CTNNA3: variants seen among roughly 807,000 people sequenced by gnomAD.
CTNNA3 encodes the protein catenin alpha-3.
Under a neutral mutation model 95.7 loss-of-function variants are expected in CTNNA3, and 76 were observed. The ratio of observed to expected loss-of-function variants is 0.79; its 90% CI spans 0.66 to 0.96. The LOEUF (loss-of-function observed/expected upper bound fraction) is 0.96. CTNNA3 is among the 40% of genes least tolerant of loss of function. The pLI is 0.00. For missense variants in CTNNA3, 1,191 were observed against 1,089.8 expected, an observed-to-expected ratio of 1.09 and a Z score of -1.31; for synonymous variants, 431 against 374.4, an observed-to-expected ratio of 1.15 and a Z score of -1.74.
intron 7 of CTNNA3, among the ~76,000 whole-genome samples, chr10:66,845,896 C>T (rs1312696621): frequency 1.3e-5 from 2 of 151,636 alleles, no homozygotes; most frequent in Non-Finnish European, 2.9e-5. Context: ...TTTGGGAGGC[C>T]GAAGCTGGCA....
At chr10:65,990,248 A>G (rs1268341122) in intron 15 of CTNNA3, among the ~76,000 whole-genome samples, 1 of 152,016 alleles carries the variant, frequency 6.6e-6, no homozygotes, top group Non-Finnish European at 1.5e-5. Context: ...AATACTTAGG[A>G]GTGAGATTGC....
chr10:66,154,645 T>C (rs955975046), intron 13 of CTNNA3, among the ~76,000 whole-genome samples: 7 of 148,996 alleles, frequency 4.7e-5, no homozygotes, highest in Non-Finnish European at 8.9e-5. Context: ...AGTGATAGTA[T>C]ATTTCGTTTT....
At chr10:67,444,773 A>G (rs1035743899) in intron 5 of CTNNA3, among the ~76,000 whole-genome samples, 3 of 152,148 alleles carry the variant, frequency 2.0e-5, no homozygotes, top group Admixed American at 6.5e-5. Context: ...GAGCAACTAT[A>G]TGCCAACAAA....
intron 13 of CTNNA3, among the ~76,000 whole-genome samples, chr10:66,181,081 T>C (rs953227584): frequency 6.6e-6 from 1 of 151,376 alleles, no homozygotes; most frequent in African/African-American, 2.4e-5. Context: ...TAGAGGTAAG[T>C]GTGCTGACTC....
At chr10:67,643,459 C>G (rs1256078195) in intron 2 of CTNNA3, among the ~76,000 whole-genome samples, 1 of 151,962 alleles carries the variant, frequency 6.6e-6, no homozygotes, top group Non-Finnish European at 1.5e-5. Context: ...CACATGTACT[C>G]CTGAACTTAA....
intron 7 of CTNNA3, among the ~76,000 whole-genome samples, chr10:67,070,607 C>T (rs2147890): frequency 0.35 from 52,651 of 151,678 alleles, 9,655 homozygotes; most frequent in Middle Eastern, 0.56. Context: ...ATTAGCTGGG[C>T]ATGGTGGCGT....
At chr10:67,467,901 G>C (rs560551544) in intron 5 of CTNNA3, among the ~76,000 whole-genome samples, 29 of 151,688 alleles carry the variant, frequency 1.9e-4, no homozygotes, top group Non-Finnish European at 3.4e-4. Context: ...TGTAGAGACT[G>C]AGTCTTGCCA....
chr10:67,755,318 T>C (rs180753007), intron 1 of CTNNA3, among the ~76,000 whole-genome samples: 1 of 152,062 alleles, frequency 6.6e-6, no homozygotes, highest in Non-Finnish European at 1.5e-5. Context: ...CCAGTTTAAA[T>C]TGTTCTTATA....
intron 3 of CTNNA3, among the ~76,000 whole-genome samples, chr10:67,599,929 A>G (rs1201856275): frequency 1.3e-5 from 2 of 152,090 alleles, no homozygotes; most frequent in African/African-American, 4.8e-5. Context: ...TAATAAAAAT[A>G]ATTTGTATTT....
rs758643115 is a variant in CTNNA3, at chr10:66,076,383, A to AT, written c.1978-6895dup. On this transcript the variant is annotated intron_variant, in intron 14 of 17. Transcript: ENST00000433211. ...AGATTTATGCATTGGTATCCTAAGC[A>AT]TACTAAATTGTGATCTCAAATATAT... Among the ~76,000 whole-genome samples the AT allele has an allele frequency of 4.9e-4, 75 of 151,856 alleles. 1 individual carries two copies. Among genetic ancestry groups the AT allele is most frequent in the Admixed American group, 2.3e-3 (35 of 15,226 alleles).
At chr10:66,186,543 A>T (rs921744096) in intron 13 of CTNNA3, among the ~76,000 whole-genome samples, 1 of 152,196 alleles carries the variant, frequency 6.6e-6, no homozygotes, top group African/African-American at 2.4e-5. Flanking sequence ...CATCTGCATT[A>T]TCATAAGATA....
chr10:67,620,911 G>C (rs1052280782), intron 2 of CTNNA3, among the ~76,000 whole-genome samples: 1 of 100,606 alleles, frequency 9.9e-6, no homozygotes, highest in Non-Finnish European at 1.8e-5. Context: ...ATATGTGTGT[G>C]TGTGTGTGTG....
chr10:66,204,765 T>C (rs1202824547), intron 13 of CTNNA3, among the ~76,000 whole-genome samples: 2 of 152,298 alleles, frequency 1.3e-5, no homozygotes, highest in South Asian at 2.1e-4. Flanking sequence ...CTAGTCTGAG[T>C]ACAGGAACTA....
rs565747976 is a variant in CTNNA3, at chr10:66,045,027, A to G, written c.2159+24281T>C. ...TTCCAAAGCCAACACTCAATGAGAAACACTAGAAAAACAAACAGTAGCACT... is the reference window on the plus strand; with the variant it reads ...TTCCAAAGCCAACACTCAATGAGAAGCACTAGAAAAACAAACAGTAGCACT... On this transcript the variant is annotated intron_variant, in intron 15 of 17. Transcript: ENST00000433211. Among the ~76,000 whole-genome samples, 41 of 152,288 alleles carry G rather than the reference A, an allele frequency of 2.7e-4. 1 individual carries two copies. The South Asian group carries it at 8.3e-3, about 31-fold the overall frequency.
intron 9 of CTNNA3, among the ~76,000 whole-genome samples, chr10:66,748,808 C>T (rs1038295760): frequency 6.6e-6 from 1 of 152,138 alleles, no homozygotes; most frequent in Admixed American, 6.5e-5. Context: ...TCCTGCACCA[C>T]AGCGGTGCAT....
chr10:66,625,773 G>A (rs956972346), intron 9 of CTNNA3, among the ~76,000 whole-genome samples: 2 of 152,116 alleles, frequency 1.3e-5, no homozygotes, highest in Non-Finnish European at 2.9e-5. Flanking sequence ...TCACTCAGCA[G>A]AGAACATAGT....
chr10:67,627,209 C>T (rs1838988065), intron 2 of CTNNA3, among the ~76,000 whole-genome samples: 1 of 152,172 alleles, frequency 6.6e-6, no homozygotes, highest in African/African-American at 2.4e-5. Context: ...GCCTCCTGGT[C>T]ATGCTGAGAG....
Position 66,758,546 on chromosome 10 carries a change from T to A in CTNNA3, c.1281+7718A>T, listed in dbSNP as rs149706125. On this transcript the variant is annotated intron_variant, in intron 9 of 17. Coordinates refer to ENST00000433211, the MANE Select transcript of CTNNA3 (RefSeq NM_013266.4). ...TTCTTCAGCTAGTTGTCAGTTAGCA[T>A]GTTTGCTTGTTACCTCTTGACCAAA... Among the ~76,000 whole-genome samples the A allele has an allele frequency of 7.5e-4, 114 of 152,282 alleles. 1 individual carries two copies. The highest frequency in any genetic ancestry group is 2.6e-3 in the African/African-American group (110 of 41,570).
chr10:67,279,053 G>A (rs1361298012), intron 5 of CTNNA3, among the ~76,000 whole-genome samples: 2 of 152,076 alleles, frequency 1.3e-5, no homozygotes, highest in African/African-American at 4.8e-5. Context: ...GAATGCAAAG[G>A]TGGTGTTGAG....
Sources: gnomAD v4.1 joint callset for allele counts (sites outside exome capture counted in the v4.1 genomes callset) on GRCh38, gnomAD v4.1.1 for gene constraint, MANE v1.5 for transcripts, NCBI Gene and HGNC (gene_info 2026-07-23, HGNC 2026-07-21) for gene names.